Variants in LRIT1 observed in about 807,000 individuals in gnomAD.
LRIT1 encodes the protein leucine-rich repeat, immunoglobulin-like domain and transmembrane domain-containing protein 1.
A neutral mutation model predicts 24.0 loss-of-function variants in LRIT1; 23 were observed. The observed-to-expected ratio is 0.96, with a 90% CI of 0.69 to 1.36. LRIT1 has a LOEUF of 1.36. LRIT1 is among the 40% of genes most tolerant of loss of function. LRIT1 has a pLI of 0.00. For synonymous variants in LRIT1, 361 were observed against 340.5 expected, an observed-to-expected ratio of 1.06 and a Z score of -0.66; for missense variants, 846 against 806.3, an observed-to-expected ratio of 1.05 and a Z score of -0.60.
chr10:84,232,502 A>G lies in LRIT1; in HGVS notation c.1297T>C (p.Ser433Pro). ...AGPSEARMVR[S>P]VKVVGDTYHS... Reference sequence around the variant, plus strand: ...TAAGTGTCCCCCACCACCTTCACAGACCTCACCATTCGTGCCTCTGAGGGT... The same window carrying G: ...TAAGTGTCCCCCACCACCTTCACAGGCCTCACCATTCGTGCCTCTGAGGGT... The change falls in exon 4 of 4, where the codon TCT becomes CCT. Residue 433 changes from serine to proline, a missense_variant. Physicochemically the swap from Ser to Pro is moderately conservative, Grantham distance 74. Transcript: ENST00000372105. 6.2e-7 allele frequency: 1 copy of G among 1,613,986 alleles called. No individual in the cohort carries two copies. Among genetic ancestry groups the G allele is most frequent in the South Asian group, 1.1e-5 (1 of 91,068 alleles).
intron 2 of LRIT1, among the ~76,000 whole-genome samples, chr10:84,234,828 G>A (rs1842635026): frequency 6.6e-6 from 1 of 152,182 alleles, no homozygotes; most frequent in Admixed American, 6.5e-5. Context: ...GGCAATGAAG[G>A]TGGCTGCTCT....
chr10:84,235,950 C>T (rs1205788155), intron 2 of LRIT1, among the ~76,000 whole-genome samples: 1 of 151,230 alleles, frequency 6.6e-6, no homozygotes, highest in East Asian at 2.0e-4. Flanking sequence ...CACTCTGTGA[C>T]CTGATAACTC....
Position 84,237,512 on chromosome 10 carries a change from G to A in LRIT1, c.297C>T (p.Asn99=), listed in dbSNP as rs1374875176. Residue 99 remains asparagine, a synonymous_variant, in exon 2 of 4, where the codon AAC becomes AAT. Transcript: ENST00000372105. The part of the protein sequence containing the change: ...WLPYNALSEL[N]ALMLRGLRRL... ...GTCGCAGGCCCCGCAGCATGAGGGC[G>A]TTGAGCTCGCTGAGGGCGTTGTAAG... 3 of 1,602,820 alleles carry A rather than the reference G, an allele frequency of 1.9e-6. No individual in the cohort carries two copies. Among genetic ancestry groups the A allele is most frequent in the Admixed American group, 1.7e-5 (1 of 59,550 alleles).
In LRIT1 at chr10:84,241,299, C is replaced by T. The variant is rs1040605357; in HGVS notation, c.122+19G>A. On this transcript the variant is annotated intron_variant, in intron 1 of 3. Transcript: ENST00000372105. ...GCAATGGAGGCTGGGCTGCCCGTCCCACGCACCCGGTACCATACCTGGCCT... is the reference window on the plus strand; with the variant it reads ...GCAATGGAGGCTGGGCTGCCCGTCCTACGCACCCGGTACCATACCTGGCCT... 1 of 1,613,846 alleles carries T rather than the reference C, an allele frequency of 6.2e-7. No individual in the cohort carries two copies. The highest frequency in any genetic ancestry group is 8.5e-7 in the Non-Finnish European group (1 of 1,179,912).
chr10:84,237,802 CAG>C, intron 1 of LRIT1, 116 bp from the exon 2 acceptor site: 4 of 778,800 alleles, frequency 5.1e-6, no homozygotes, highest in Non-Finnish European at 8.1e-6. Flanking sequence ...ACACCCACAC[CAG>C]AGTCCAAGCC....
intron 3 of LRIT1, among the ~76,000 whole-genome samples, chr10:84,233,450 GC>G (rs1368158759): frequency 6.6e-6 from 1 of 151,910 alleles, no homozygotes; most frequent in Non-Finnish European, 1.5e-5. Flanking sequence ...TTGGGTGTGA[GC>G]CCCCAGCCAA....
chr10:84,236,274 C>T (rs1033692289), intron 2 of LRIT1, among the ~76,000 whole-genome samples: 20 of 149,534 alleles, frequency 1.3e-4, no homozygotes, highest in Non-Finnish European at 2.4e-4. Context: ...CCATCCTGGG[C>T]GACAGAGCAA....
rs776584683 is a variant in LRIT1 at position 84,232,720 on chromosome 10, G to A, written c.1079C>T (p.Ala360Val). The A allele has an allele frequency of 6.2e-7, 1 of 1,614,020 alleles. No individual in the cohort carries two copies. The highest frequency in any genetic ancestry group is 8.5e-7 in the Non-Finnish European group (1 of 1,179,962). ...TSTEHSGSPG[A>V]LWARTGGGGE... ...TCCGCCACCTGTCCTTGCCCATAGTGCTCCTGGGCTCCCACTGTGTTCTGT... is the reference window on the plus strand; with the variant it reads ...TCCGCCACCTGTCCTTGCCCATAGTACTCCTGGGCTCCCACTGTGTTCTGT... The change falls in exon 4 of 4, where the codon GCA becomes GTA. Residue 360 changes from alanine to valine, a missense_variant. Coordinates refer to ENST00000372105, the MANE Select transcript of LRIT1 (RefSeq NM_015613.3).
At chr10:84,241,210 G>C (rs1773324177) in intron 1 of LRIT1, 108 bp downstream of exon 1, 8 of 1,526,014 alleles carry the variant, frequency 5.2e-6, no homozygotes, top group Non-Finnish European at 7.2e-6. Context: ...CAAGGGCCAA[G>C]GGAGATGAAG....
At chr10:84,240,399 TC>T (rs1842682799) in intron 1 of LRIT1, among the ~76,000 whole-genome samples, 2 of 152,218 alleles carry the variant, frequency 1.3e-5, no homozygotes, top group East Asian at 3.9e-4. Flanking sequence ...TCTCCTCTCA[TC>T]CCCCAATCAA....
At chr10:84,234,433 G>T in intron 2 of LRIT1, 55 bp from the exon 3 acceptor site, 2 of 1,381,924 alleles carry the variant, frequency 1.4e-6, no homozygotes, top group Non-Finnish European at 2.0e-6. Context: ...ACGTCCTCAG[G>T]CCCAGCACCC....
chr10:84,234,709 T>C (rs1446042703), intron 2 of LRIT1, among the ~76,000 whole-genome samples: 1 of 152,234 alleles, frequency 6.6e-6, no homozygotes, highest in Non-Finnish European at 1.5e-5. Flanking sequence ...CCAGGCAGTA[T>C]TTCCACAATA....
intron 3 of LRIT1, among the ~76,000 whole-genome samples, chr10:84,233,868 G>C (rs537086488): frequency 6.6e-6 from 1 of 152,232 alleles, no homozygotes; most frequent in African/African-American, 2.4e-5. Flanking sequence ...TGATAGGACA[G>C]GTCAAGAGCC....
In LRIT1 at chr10:84,232,116, G is replaced by A. The variant is rs377632348; in HGVS notation, c.1683C>T (p.Asn561=). ...TAACTGTGGCCTCAGTGGAGTCCTT[G>A]TTGAAGCACTTTCGGCAGCGCTTCT... The part of the protein sequence containing the change: ...ALQKRCRKCF[N]KDSTEATVTY... Residue 561 remains asparagine, a synonymous_variant, in exon 4 of 4, where the codon AAC becomes AAT. Transcript: ENST00000372105. 8.1e-6 allele frequency: 13 copies of A among 1,614,072 alleles called. No homozygotes were observed. In the African/African-American group the frequency reaches 1.5e-4, roughly 18 times the overall value.
chr10:84,241,387 T>A lies in LRIT1; in HGVS notation c.53A>T (p.Gln18Leu). 1 of 1,611,668 alleles carries A rather than the reference T, an allele frequency of 6.2e-7. No individual in the cohort carries two copies. The highest frequency in any genetic ancestry group is 2.2e-5 in the East Asian group (1 of 44,786). Reference sequence around the variant, plus strand: ...TTGAGAGGGGCAGAAGCCCCGGGCCTGGGGGGGCCACGCAAGGGCCAAGAG... The same window carrying A: ...TTGAGAGGGGCAGAAGCCCCGGGCCAGGGGGGGCCACGCAAGGGCCAAGAG... ...LWLLALAWPP[Q>L]ARGFCPSQCS... Residue 18 changes from glutamine to leucine, a missense_variant, in exon 1 of 4, where the codon CAG becomes CTG. Transcript: ENST00000372105.
rs1440838822 is a variant in LRIT1, at chr10:84,237,630, T to G, written c.179A>C (p.Asp60Ala). The G allele has an allele frequency of 6.2e-7, 1 of 1,606,096 alleles. No individual in the cohort carries two copies. The highest frequency in any genetic ancestry group is 1.7e-5 in the Admixed American group (1 of 59,904). Reference sequence around the variant, plus strand: ...CCGCTCCAGGCGCAGTCTGGAGGTGTCCGGGGGGATGGACGCCGGGGGCAG... The same window carrying G: ...CCGCTCCAGGCGCAGTCTGGAGGTGGCCGGGGGGATGGACGCCGGGGGCAG... ...MTLPPASIPPDTSRLRLERTA... is the reference protein window; with the variant it reads ...MTLPPASIPPATSRLRLERTA... The change falls in exon 2 of 4, where the codon GAC becomes GCC. Residue 60 changes from aspartate to alanine, a missense_variant. Asp to Ala is a moderately radical substitution (Grantham distance 126, BLOSUM62 -2). Coordinates refer to ENST00000372105, the MANE Select transcript of LRIT1 (RefSeq NM_015613.3).
rs1842603393 is a variant in LRIT1, at chr10:84,232,107, G to A, written c.1692C>T (p.Ser564=). 6.2e-7 allele frequency: 1 copy of A among 1,614,152 alleles called. No homozygotes were observed. Among genetic ancestry groups the A allele is most frequent in the Non-Finnish European group, 8.5e-7 (1 of 1,180,028 alleles). Residue 564 remains serine, a synonymous_variant, in exon 4 of 4, where the codon TCC becomes TCT. Transcript: ENST00000372105. ...KRCRKCFNKD[S]TEATVTYVNL... ...TGACGTAGGTAACTGTGGCCTCAGT[G>A]GAGTCCTTGTTGAAGCACTTTCGGC... is the stretch of plus-strand genomic sequence containing the variant.
At chr10:84,234,661 C>G (rs1182046289) in intron 2 of LRIT1, among the ~76,000 whole-genome samples, 1 of 152,208 alleles carries the variant, frequency 6.6e-6, no homozygotes, top group Non-Finnish European at 1.5e-5. Flanking sequence ...CCGGCAATTA[C>G]TGTTGCCATT....
Position 84,237,525 on chromosome 10 carries a change from A to T in LRIT1, c.284T>A (p.Leu95His). ...LEQLWLPYNA[L>H]SELNALMLRG... ...CAGCATGAGGGCGTTGAGCTCGCTG[A>T]GGGCGTTGTAAGGCAGCCACAGCTG... Residue 95 changes from leucine (L) to histidine (H), a missense_variant, in exon 2 of 4, where the codon CTC (leucine) becomes CAC (histidine). Coordinates refer to ENST00000372105, the MANE Select transcript of LRIT1 (RefSeq NM_015613.3). The T allele has an allele frequency of 6.2e-7, 1 of 1,604,508 alleles. No individual in the cohort carries two copies. The highest frequency in any genetic ancestry group is 8.5e-7 in the Non-Finnish European group (1 of 1,179,066).
Sources: gnomAD v4.1 joint callset for allele counts (sites outside exome capture counted in the v4.1 genomes callset) on GRCh38, gnomAD v4.1.1 for gene constraint, MANE v1.5 for transcripts, NCBI Gene and HGNC (gene_info 2026-07-23, HGNC 2026-07-21) for gene names.